Variants in PTCHD4 observed in about 807,000 individuals in gnomAD.
PTCHD4 encodes the protein patched domain containing 4, also known as patched domain-containing protein 4.
Under a neutral mutation model 58.1 loss-of-function variants are expected in PTCHD4, and 33 were observed. That is an observed-to-expected ratio of 0.57 (90% confidence interval 0.43 to 0.76). The LOEUF is 0.76. Among genes scored for constraint, PTCHD4 ranks in the 30% least tolerant of loss-of-function variants. PTCHD4 has a pLI of 0.00. For synonymous variants in PTCHD4, 478 were observed against 409.6 expected (o/e 1.17, Z -2.02); for missense variants, 1,058 against 1,027.1 (o/e 1.03, Z -0.41).
At position 47,876,531 on chromosome 6, in the gene PTCHD4, C is replaced by T. The variant is rs1208169575; in HGVS notation, c.*1772G>A. Among the ~76,000 whole-genome samples, 1 of 151,894 alleles carries T rather than the reference C, an allele frequency of 6.6e-6. No individual in the cohort carries two copies. Among genetic ancestry groups the T allele is most frequent in the Non-Finnish European group, 1.5e-5 (1 of 67,946 alleles). On this transcript the variant is annotated 3_prime_UTR_variant, in exon 5 of 5. Coordinates refer to ENST00000339488, the MANE Select transcript of PTCHD4 (RefSeq NM_001384253.1). ...AGTCTATCAACTTCATTTCCAGAGA[C>T]TATAACGAGAATGGAATGGTTTGTA...
chr6:48,040,566 C>T lies in PTCHD4; in HGVS notation c.417+27664G>A, dbSNP rs146511595. On this transcript the variant is annotated intron_variant, in intron 3 of 4. Transcript: ENST00000339488. Reference sequence around the variant, plus strand: ...AAATTTGAAGGCCAAAAGGGTGGTTCTATATTACGAACAAGGAGTATTTTT... The same window carrying T: ...AAATTTGAAGGCCAAAAGGGTGGTTTTATATTACGAACAAGGAGTATTTTT... Among the ~76,000 whole-genome samples, 572 of 152,066 alleles carry T rather than the reference C, an allele frequency of 3.8e-3. 3 individuals carry two copies. Among genetic ancestry groups the T allele is most frequent in the African/African-American group, 0.013 (556 of 41,486 alleles).
intron 4 of PTCHD4, among the ~76,000 whole-genome samples, chr6:47,995,196 A>G (rs1349725834): frequency 6.6e-6 from 1 of 152,186 alleles, no homozygotes; most frequent in Non-Finnish European, 1.5e-5. Flanking sequence ...TTACATAGTC[A>G]GTGATATTGA....
At chr6:47,890,831 T>G in intron 4 of PTCHD4, 2 of 922,980 alleles carry the variant, frequency 2.2e-6, no homozygotes, top group Non-Finnish European at 1.3e-6. Flanking sequence ...GCTTTCCTGC[T>G]CTCTCTCTTT....
At chr6:47,992,471 T>C (rs1368632331) in intron 4 of PTCHD4, among the ~76,000 whole-genome samples, 1 of 152,210 alleles carries the variant, frequency 6.6e-6, no homozygotes, top group Non-Finnish European at 1.5e-5. Flanking sequence ...TCTGGAATGC[T>C]GGTATTGTTC....
intron 1 of PTCHD4, among the ~76,000 whole-genome samples, chr6:48,105,552 G>A (rs970223237): frequency 3.3e-5 from 5 of 152,102 alleles, no homozygotes; most frequent in African/African-American, 9.7e-5. Flanking sequence ...AGCGAAGCAA[G>A]AGCAAACACA....
At chr6:48,093,965 C>T (rs1190197797) in intron 1 of PTCHD4, among the ~76,000 whole-genome samples, 1 of 152,104 alleles carries the variant, frequency 6.6e-6, no homozygotes, top group Non-Finnish European at 1.5e-5. Flanking sequence ...AGAAAATAGT[C>T]TTATGCAAAC....
intron 3 of PTCHD4, among the ~76,000 whole-genome samples, chr6:48,057,390 G>A (rs1055682311): frequency 6.6e-6 from 1 of 152,052 alleles, no homozygotes; most frequent in African/African-American, 2.4e-5. Context: ...TTTCCTTGCT[G>A]GTTATATCCT....
intron 4 of PTCHD4, among the ~76,000 whole-genome samples, chr6:47,985,948 G>A (rs1169065093): frequency 2.0e-5 from 3 of 151,578 alleles, no homozygotes; most frequent in African/African-American, 7.3e-5. Flanking sequence ...ATATTGAACT[G>A]AGTAATTGTC....
chr6:47,964,234 C>T (rs1383586112), intron 4 of PTCHD4, among the ~76,000 whole-genome samples: 1 of 152,116 alleles, frequency 6.6e-6, no homozygotes, highest in Non-Finnish European at 1.5e-5. Flanking sequence ...ATCTGCCATA[C>T]AATATATTGT....
At chr6:47,880,999 T>C (rs909540250) in intron 4 of PTCHD4, among the ~76,000 whole-genome samples, 1 of 152,164 alleles carries the variant, frequency 6.6e-6, no homozygotes. Flanking sequence ...GAAATCTTCA[T>C]AGATCACTCT....
intron 4 of PTCHD4, among the ~76,000 whole-genome samples, chr6:47,961,086 C>T (rs2113967896): frequency 6.6e-6 from 1 of 151,088 alleles, no homozygotes; most frequent in East Asian, 1.9e-4. Flanking sequence ...ATATCACATA[C>T]TAGGCCATCA....
At chr6:48,062,967 A>G (rs1764681592) in intron 3 of PTCHD4, among the ~76,000 whole-genome samples, 1 of 152,144 alleles carries the variant, frequency 6.6e-6, no homozygotes, top group South Asian at 2.1e-4. Flanking sequence ...ATGTCACACA[A>G]TTGATCCTTA....
chr6:47,999,541 T>G (rs935406236), intron 4 of PTCHD4, among the ~76,000 whole-genome samples: 3 of 152,174 alleles, frequency 2.0e-5, no homozygotes, highest in Non-Finnish European at 4.4e-5. Flanking sequence ...GTAATCATTA[T>G]AAAGAACTTT....
At chr6:48,065,929 C>T (rs1486225426) in intron 3 of PTCHD4, among the ~76,000 whole-genome samples, 1 of 152,284 alleles carries the variant, frequency 6.6e-6, no homozygotes, top group Middle Eastern at 3.4e-3. Context: ...TGATTCCCTT[C>T]TTTAGCAATT....
At chr6:48,090,596 A>T (rs868696908) in intron 1 of PTCHD4, among the ~76,000 whole-genome samples, 3 of 152,190 alleles carry the variant, frequency 2.0e-5, no homozygotes, top group Non-Finnish European at 4.4e-5. Context: ...AAAAAATCTC[A>T]GAAGGGGTAA....
chr6:47,929,993 G>A (rs1246182916), intron 4 of PTCHD4, among the ~76,000 whole-genome samples: 2 of 152,336 alleles, frequency 1.3e-5, no homozygotes, highest in African/African-American at 2.4e-5. Flanking sequence ...AATGCATAGA[G>A]TCTGAAGTAA....
intron 3 of PTCHD4, among the ~76,000 whole-genome samples, chr6:48,012,146 A>G (rs1245991548): frequency 6.6e-6 from 1 of 152,186 alleles, no homozygotes. Flanking sequence ...CATTGAATCT[A>G]TAAATTACTT....
At chr6:47,894,638 G>A (rs115116936) in intron 4 of PTCHD4, among the ~76,000 whole-genome samples, 1,876 of 152,312 alleles carry the variant, frequency 0.012, 12 homozygotes, top group South Asian at 0.023. Context: ...TTCATTTGGG[G>A]TCTTGGCTAT....
At chr6:48,104,384 T>C (rs996198147) in intron 1 of PTCHD4, among the ~76,000 whole-genome samples, 10 of 152,206 alleles carry the variant, frequency 6.6e-5, no homozygotes, top group African/African-American at 1.7e-4. Context: ...TAAAATACTT[T>C]ACAGACAAGC....
Sources: gnomAD v4.1 joint callset for allele counts (sites outside exome capture counted in the v4.1 genomes callset) on GRCh38, gnomAD v4.1.1 for gene constraint, MANE v1.5 for transcripts, NCBI Gene and HGNC (gene_info 2026-07-23, HGNC 2026-07-21) for gene names.